KLF8: variants seen among roughly 807,000 people sequenced by gnomAD.
The protein encoded by KLF8 is Krueppel-like factor 8.
In KLF8, 10 loss-of-function variants were observed where a neutral mutation model predicts 18.2. The observed-to-expected ratio is 0.55, with a 90% CI of 0.34 to 0.93. The LOEUF (loss-of-function observed/expected upper bound fraction) is 0.93, where lower values mean the gene tolerates loss of function less well. Ranked by LOEUF, KLF8 falls within the 40% of genes least tolerant of loss-of-function variation. The pLI is 0.02. For synonymous variants in KLF8, 109 were observed against 97.3 expected (o/e 1.12, Z -0.71); for missense variants, 264 against 277.9 (o/e 0.95, Z 0.36).
At chrX:56,184,355 A>G in the KLF8 span, among the ~76,000 whole-genome samples, 4 of 112,476 alleles carry the variant, frequency 3.6e-5, no homozygotes, top group Non-Finnish European at 7.5e-5. Flanking sequence ...TGCTTAGGTA[A>G]ACAAAGCAGC....
At chrX:56,109,230 A>T in the KLF8 span, among the ~76,000 whole-genome samples, 1 of 110,683 alleles carries the variant, frequency 9.0e-6, no homozygotes, top group Non-Finnish European at 1.9e-5. Flanking sequence ...CCTTGTCTCT[A>T]CAAAGAAATC....
the KLF8 span, among the ~76,000 whole-genome samples, chrX:56,164,086 G>C: frequency 1.2e-5 from 1 of 82,034 alleles, no homozygotes; most frequent in African/African-American, 4.4e-5. Flanking sequence ...CTCTCGTTTG[G>C]TTCCATATGA....
At chrX:55,996,912 G>C in the KLF8 span, among the ~76,000 whole-genome samples, 2 of 112,265 alleles carry the variant, frequency 1.8e-5, no homozygotes, top group Non-Finnish European at 3.8e-5. Context: ...ACACATGCGT[G>C]CTAGTGGGGC....
the KLF8 span, among the ~76,000 whole-genome samples, chrX:56,040,992 G>A: frequency 9.8e-6 from 1 of 101,953 alleles, no homozygotes; most frequent in African/African-American, 3.5e-5. Context: ...AGTCTTGAGA[G>A]GGTGCATGTG....
At chrX:56,215,571 C>T in the KLF8 span, among the ~76,000 whole-genome samples, 2 of 108,563 alleles carry the variant, frequency 1.8e-5, no homozygotes, top group Non-Finnish European at 3.8e-5. Flanking sequence ...GTCTGTAATC[C>T]CAACACTTTG....
chrX:56,051,261 C>T, the KLF8 span, among the ~76,000 whole-genome samples: 1 of 110,528 alleles, frequency 9.0e-6, no homozygotes, highest in Non-Finnish European at 1.9e-5. Context: ...GCATTTAGTC[C>T]ATTTACATTT....
the KLF8 span, among the ~76,000 whole-genome samples, chrX:56,204,192 A>G: frequency 3.6e-5 from 4 of 111,689 alleles, no homozygotes; most frequent in South Asian, 1.1e-3. Context: ...GCCATTGTAA[A>G]TGGGATTACT....
At chrX:55,999,794 A>G in the KLF8 span, among the ~76,000 whole-genome samples, 3 of 111,473 alleles carry the variant, frequency 2.7e-5, no homozygotes, top group Non-Finnish European at 5.7e-5. Flanking sequence ...TCATTGGCAA[A>G]AAAAGATAGT....
At chrX:56,006,055 C>T in the KLF8 span, among the ~76,000 whole-genome samples, 6 of 112,417 alleles carry the variant, frequency 5.3e-5, no homozygotes, top group African/African-American at 1.9e-4. Context: ...CTGTCCTGCT[C>T]TCTCCAGGTT....
At chrX:56,083,741 G>T in the KLF8 span, among the ~76,000 whole-genome samples, 1 of 111,420 alleles carries the variant, frequency 9.0e-6, no homozygotes, top group Non-Finnish European at 1.9e-5. Flanking sequence ...TCCGCCTGCT[G>T]TCAAATCAGT....
At chrX:56,075,301 G>T in the KLF8 span, among the ~76,000 whole-genome samples, 3,120 of 110,816 alleles carry the variant, frequency 0.028, 116 homozygotes, top group African/African-American at 0.098. Flanking sequence ...AACCTATTTT[G>T]CATGTCAAAC....
chrX:56,187,089 G>A, the KLF8 span, among the ~76,000 whole-genome samples: 1 of 111,307 alleles, frequency 9.0e-6, no homozygotes, highest in Non-Finnish European at 1.9e-5. Flanking sequence ...CTAGGAGCTG[G>A]TTTTTGAAAG....
At chrX:55,910,304 C>T in the KLF8 span, among the ~76,000 whole-genome samples, 1 of 111,826 alleles carries the variant, frequency 8.9e-6, no homozygotes, top group Admixed American at 9.5e-5. Flanking sequence ...AATATGCCTT[C>T]TTGGAGATTA....
chrX:55,992,311 G>T, the KLF8 span, among the ~76,000 whole-genome samples: 179 of 112,296 alleles, frequency 1.6e-3, no homozygotes, highest in Admixed American at 3.2e-3. Context: ...CAAATATTCT[G>T]CATATGTCTA....
the KLF8 span, among the ~76,000 whole-genome samples, chrX:56,106,904 G>C: frequency 8.9e-6 from 1 of 112,139 alleles, no homozygotes; most frequent in Non-Finnish European, 1.9e-5. Context: ...TTTTGGTGTA[G>C]ATACCATTTT....
At chrX:55,942,407 T>C in the KLF8 span, among the ~76,000 whole-genome samples, 1 of 110,382 alleles carries the variant, frequency 9.1e-6, no homozygotes, top group South Asian at 3.9e-4. Flanking sequence ...TTAGGAGATA[T>C]ACCTAATGTT....
At chrX:56,223,856 G>A in the KLF8 span, among the ~76,000 whole-genome samples, 1 of 112,262 alleles carries the variant, frequency 8.9e-6, no homozygotes, top group South Asian at 3.7e-4. Context: ...TATTTCTGAA[G>A]GCTTTTTTGT....
chrX:56,155,959 T>A, the KLF8 span, among the ~76,000 whole-genome samples: 1 of 111,983 alleles, frequency 8.9e-6, no homozygotes, highest in East Asian at 2.8e-4. Flanking sequence ...GGCCTCCAGC[T>A]CCATCCGTGT....
chrX:55,991,154 A>G, the KLF8 span, among the ~76,000 whole-genome samples: 58 of 112,147 alleles, frequency 5.2e-4, no homozygotes, highest in African/African-American at 1.8e-3. Context: ...GGCTCCATCC[A>G]TTTGGAGCTT....
Sources: gnomAD v4.1 joint callset for allele counts (sites outside exome capture counted in the v4.1 genomes callset) on GRCh38, gnomAD v4.1.1 for gene constraint, MANE v1.5 for transcripts, NCBI Gene and HGNC (gene_info 2026-07-23, HGNC 2026-07-21) for gene names.